C12orf42: variants seen among roughly 807,000 people sequenced by gnomAD.
C12orf42 encodes the protein uncharacterized protein C12orf42.
C12orf42 carries 25 observed loss-of-function variants against 21.6 expected under a neutral mutation model. The observed-to-expected ratio is 1.16, with a 90% CI of 0.84 to 1.62. The LOEUF (loss-of-function observed/expected upper bound fraction) is 1.62. C12orf42 is among the 40% of genes most tolerant of loss of function. C12orf42 has a pLI of 0.00. For synonymous variants in C12orf42, 174 were observed against 175.0 expected (o/e 0.99, Z 0.05); for missense variants, 483 against 459.3 (o/e 1.05, Z -0.47).
chr12:103,133,960 G>A, the C12orf42 span, among the ~76,000 whole-genome samples: 3 of 152,168 alleles, frequency 2.0e-5, no homozygotes, highest in Admixed American at 1.3e-4. Context: ...CCTGAGGTCT[G>A]CCCAGCCCTG....
At chr12:103,097,623 A>G in the C12orf42 span, among the ~76,000 whole-genome samples, 17 of 152,300 alleles carry the variant, frequency 1.1e-4, no homozygotes, top group African/African-American at 3.6e-4. Context: ...TTTCTCTCTC[A>G]TTTTGATGAT....
intron 4 of C12orf42, among the ~76,000 whole-genome samples, chr12:103,336,303 C>T (rs566854303): frequency 4.6e-5 from 7 of 152,246 alleles, no homozygotes; most frequent in Admixed American, 1.3e-4. Context: ...AAGATATAGG[C>T]TTCATTTTTC....
the C12orf42 span, among the ~76,000 whole-genome samples, chr12:103,062,112 G>A: frequency 3.3e-5 from 5 of 151,588 alleles, no homozygotes; most frequent in East Asian, 1.9e-4. Flanking sequence ...TATGATCTTA[G>A]TATTCCATTA....
chr12:103,423,481 G>GT (rs1291580055), intron 2 of C12orf42, among the ~76,000 whole-genome samples: 1 of 152,170 alleles, frequency 6.6e-6, no homozygotes, highest in African/African-American at 2.4e-5. Flanking sequence ...AGATAAGTGG[G>GT]TTTTCTCTCC....
At chr12:103,485,495 C>G (rs562993425) in intron 1 of C12orf42, among the ~76,000 whole-genome samples, 3 of 152,218 alleles carry the variant, frequency 2.0e-5, no homozygotes, top group African/African-American at 7.2e-5. Flanking sequence ...GTAGTTTTTT[C>G]CAATTCTGTG....
At chr12:103,518,026 G>A in the C12orf42 span, among the ~76,000 whole-genome samples, 1 of 152,064 alleles carries the variant, frequency 6.6e-6, no homozygotes, top group African/African-American at 2.4e-5. Context: ...AAAGCAGTAG[G>A]AATATCTTAA....
the C12orf42 span, among the ~76,000 whole-genome samples, chr12:103,138,676 T>C: frequency 8.5e-5 from 13 of 152,174 alleles, no homozygotes; most frequent in Non-Finnish European, 1.8e-4. Flanking sequence ...AATGTCATCA[T>C]TCTTGTTCTC....
intron 4 of C12orf42, among the ~76,000 whole-genome samples, chr12:103,341,445 T>C (rs1231901857): frequency 2.6e-5 from 4 of 152,064 alleles, no homozygotes; most frequent in Non-Finnish European, 5.9e-5. Context: ...GAGTTAAATG[T>C]GAATACCATA....
the C12orf42 span, among the ~76,000 whole-genome samples, chr12:103,160,966 C>A: frequency 6.6e-6 from 1 of 152,136 alleles, no homozygotes; most frequent in Non-Finnish European, 1.5e-5. Context: ...TAGAAATAAC[C>A]CTTATTGAGC....
At chr12:103,059,892 C>T in the C12orf42 span, among the ~76,000 whole-genome samples, 1 of 152,118 alleles carries the variant, frequency 6.6e-6, no homozygotes, top group Non-Finnish European at 1.5e-5. Context: ...TGGGCAAAAG[C>T]TGGAAGCATG....
At chr12:103,059,946 C>T in the C12orf42 span, among the ~76,000 whole-genome samples, 2 of 152,332 alleles carry the variant, frequency 1.3e-5, no homozygotes, top group African/African-American at 4.8e-5. Context: ...TCTCTCACCA[C>T]TCCTGTTCAA....
the C12orf42 span, among the ~76,000 whole-genome samples, chr12:103,519,472 T>C: frequency 1.3e-5 from 2 of 152,152 alleles, no homozygotes; most frequent in South Asian, 2.1e-4. Flanking sequence ...GTTCAGCACC[T>C]AGAAATTATA....
At chr12:103,373,699 A>G (rs2138019971) in intron 3 of C12orf42, among the ~76,000 whole-genome samples, 1 of 152,334 alleles carries the variant, frequency 6.6e-6, no homozygotes, top group Admixed American at 6.5e-5. Context: ...CCAAAAGTGT[A>G]GGTTTCTTCA....
At chr12:103,435,500 T>C (rs1388731653) in intron 2 of C12orf42, among the ~76,000 whole-genome samples, 1 of 152,102 alleles carries the variant, frequency 6.6e-6, no homozygotes, top group Non-Finnish European at 1.5e-5. Flanking sequence ...TTGAAAACTT[T>C]GAAAAAAATT....
chr12:103,417,779 T>A (rs2049491421), intron 2 of C12orf42, among the ~76,000 whole-genome samples: 1 of 152,184 alleles, frequency 6.6e-6, no homozygotes, highest in African/African-American at 2.4e-5. Context: ...ATGGATAGGA[T>A]AAGAAGTGGT....
chr12:103,196,560 C>T, the C12orf42 span, among the ~76,000 whole-genome samples: 3 of 152,046 alleles, frequency 2.0e-5, no homozygotes, highest in Non-Finnish European at 2.9e-5. Flanking sequence ...TCTTATATCG[C>T]TTTGTGGGTC....
At chr12:103,523,835 A>C in the C12orf42 span, among the ~76,000 whole-genome samples, 1 of 151,986 alleles carries the variant, frequency 6.6e-6, no homozygotes, top group Non-Finnish European at 1.5e-5. Context: ...AAAGTAAGAA[A>C]ACAGATTCAG....
At chr12:103,489,594 T>C (rs1263280467) in intron 1 of C12orf42, among the ~76,000 whole-genome samples, 2 of 152,224 alleles carry the variant, frequency 1.3e-5, no homozygotes, top group African/African-American at 2.4e-5. Flanking sequence ...TGCTGAGCTA[T>C]GGTGGGTTCC....
the C12orf42 span, among the ~76,000 whole-genome samples, chr12:103,528,045 A>C: frequency 6.6e-6 from 1 of 152,224 alleles, no homozygotes; most frequent in Non-Finnish European, 1.5e-5. Flanking sequence ...GTCAGCTCCC[A>C]AAAAATATAG....
Sources: allele counts gnomAD v4.1 joint callset (sites outside exome capture counted in the v4.1 genomes callset), GRCh38; gene constraint gnomAD v4.1.1; transcripts MANE v1.5; gene names NCBI Gene and HGNC (gene_info 2026-07-23, HGNC 2026-07-21).